Variants in GRHL2 observed in about 807,000 individuals in gnomAD.
GRHL2 encodes the protein grainyhead-like protein 2 homolog.
GRHL2 carries 21 observed loss-of-function variants against 83.8 expected under a neutral mutation model. The ratio of observed to expected loss-of-function variants is 0.25; its 90% CI spans 0.18 to 0.36. The LOEUF (loss-of-function observed/expected upper bound fraction) is 0.36, where lower values mean the gene tolerates loss of function less well. Ranked by LOEUF, GRHL2 falls within the 10% of genes least tolerant of loss-of-function variation. The probability of loss-of-function intolerance (pLI) is 1.00; values close to 1 mark genes in which losing one functional copy is unlikely to be tolerated. For synonymous variants in GRHL2, 280 were observed against 278.9 expected, an observed-to-expected ratio of 1.00 and a Z score of -0.04; for missense variants, 623 against 781.8, an observed-to-expected ratio of 0.80 and a Z score of 2.42.
chr8:101,597,175 G>A (rs1274583974), intron 7 of GRHL2, among the ~76,000 whole-genome samples: 1 of 152,142 alleles, frequency 6.6e-6, no homozygotes, highest in Non-Finnish European at 1.5e-5. Context: ...GTTCTGGAGA[G>A]CACATTTAGT....
chr8:101,551,070 G>A (rs989601168), intron 2 of GRHL2, among the ~76,000 whole-genome samples: 1 of 152,114 alleles, frequency 6.6e-6, no homozygotes, highest in Admixed American at 6.5e-5. Context: ...AATGAACACA[G>A]GTGTGTTGAG....
intron 1 of GRHL2, among the ~76,000 whole-genome samples, chr8:101,534,307 T>C (rs1041913121): frequency 6.6e-6 from 1 of 151,526 alleles, no homozygotes. Flanking sequence ...GACAGGAGAG[T>C]CTACTAGGCT....
At chr8:101,658,623 G>T (rs541661447) in intron 14 of GRHL2, among the ~76,000 whole-genome samples, 1 of 152,102 alleles carries the variant, frequency 6.6e-6, no homozygotes, top group South Asian at 2.1e-4. Context: ...TGTGAGCCGA[G>T]GTGTTCCCTT....
chr8:101,638,944 C>A (rs571278661), intron 12 of GRHL2, among the ~76,000 whole-genome samples: 2 of 152,336 alleles, frequency 1.3e-5, no homozygotes, highest in South Asian at 4.1e-4. Context: ...GATCTCTGGG[C>A]TTTGGTTTCC....
chr8:101,660,670 T>C (rs1013969729), intron 14 of GRHL2, among the ~76,000 whole-genome samples: 31 of 152,228 alleles, frequency 2.0e-4, no homozygotes, highest in Admixed American at 1.4e-3. Flanking sequence ...GTATTTCAAC[T>C]TTTAAATTTG....
At chr8:101,565,380 G>A (rs1390147722) in intron 4 of GRHL2, among the ~76,000 whole-genome samples, 1 of 152,140 alleles carries the variant, frequency 6.6e-6, no homozygotes, top group Non-Finnish European at 1.5e-5. Context: ...TTTTCTATAA[G>A]TCAGTTAACA....
At chr8:101,505,097 G>C (rs1810310898) in intron 1 of GRHL2, among the ~76,000 whole-genome samples, 1 of 152,118 alleles carries the variant, frequency 6.6e-6, no homozygotes, top group Non-Finnish European at 1.5e-5. Context: ...CAGAGGTGGT[G>C]AAACAGGAAC....
chr8:101,527,433 T>C (rs1490002967), intron 1 of GRHL2, among the ~76,000 whole-genome samples: 1 of 152,216 alleles, frequency 6.6e-6, no homozygotes, highest in Non-Finnish European at 1.5e-5. Flanking sequence ...ACTCCTGGCC[T>C]CAAGCAATCC....
At chr8:101,577,275 G>A in intron 6 of GRHL2, 133 bp from the exon 7 acceptor site, 1 of 703,068 alleles carries the variant, frequency 1.4e-6, no homozygotes, top group South Asian at 1.5e-5. Flanking sequence ...ATACAGCCAA[G>A]CTTGTCTGGG....
At chr8:101,642,741 C>T (rs1290239343) in intron 12 of GRHL2, among the ~76,000 whole-genome samples, 2 of 152,222 alleles carry the variant, frequency 1.3e-5, no homozygotes, top group Non-Finnish European at 2.9e-5. Flanking sequence ...GCATTTCTCA[C>T]ACCCTTCCTC....
chr8:101,635,551 G>A (rs1162028106), intron 11 of GRHL2, among the ~76,000 whole-genome samples: 7 of 152,294 alleles, frequency 4.6e-5, no homozygotes, highest in Admixed American at 2.6e-4. Flanking sequence ...CCAACATGGG[G>A]AACTTTATCA....
chr8:101,507,097 GTTC>G (rs1200018601), intron 1 of GRHL2, among the ~76,000 whole-genome samples: 1 of 152,038 alleles, frequency 6.6e-6, no homozygotes, highest in African/African-American at 2.4e-5. Context: ...ACAGAGGCCT[GTTC>G]TTATTTTTCA....
chr8:101,543,545 C>G (rs1454716700), intron 2 of GRHL2, 109 bp downstream of exon 2: 1 of 1,000,964 alleles, frequency 1.0e-6, no homozygotes, highest in Non-Finnish European at 1.6e-6. Context: ...AATAGCATTT[C>G]CAAAGTCAAT....
chr8:101,620,767 T>C (rs1434769981), intron 9 of GRHL2, among the ~76,000 whole-genome samples: 2 of 152,190 alleles, frequency 1.3e-5, no homozygotes, highest in African/African-American at 4.8e-5. Flanking sequence ...TGAAGTGGGC[T>C]GTCTCAGGAG....
chr8:101,507,675 G>A (rs1240472539), intron 1 of GRHL2, among the ~76,000 whole-genome samples: 4 of 151,444 alleles, frequency 2.6e-5, no homozygotes. Context: ...GTTTTACACT[G>A]GGTAAAAATA....
At chr8:101,678,322 G>T in the GRHL2 span, among the ~76,000 whole-genome samples, 2 of 152,146 alleles carry the variant, frequency 1.3e-5, no homozygotes, top group Non-Finnish European at 2.9e-5. Flanking sequence ...AAGGGGTGAC[G>T]GAAGAACCTG....
chr8:101,542,038 T>C (rs1358167518), intron 1 of GRHL2, among the ~76,000 whole-genome samples: 2 of 152,212 alleles, frequency 1.3e-5, no homozygotes, highest in Admixed American at 1.3e-4. Flanking sequence ...TTCCATATCA[T>C]TTTACACAGC....
chr8:101,590,914 G>A (rs932468722), intron 7 of GRHL2, among the ~76,000 whole-genome samples: 1 of 152,056 alleles, frequency 6.6e-6, no homozygotes, highest in East Asian at 1.9e-4. Context: ...TATTAATTAT[G>A]CCACTCCTTT....
chr8:101,559,194 G>A (rs976875219), intron 4 of GRHL2, among the ~76,000 whole-genome samples: 5 of 151,938 alleles, frequency 3.3e-5, no homozygotes, highest in African/African-American at 9.7e-5. Flanking sequence ...TAAAGGTAGG[G>A]CTTGTCCATT....
Sources: allele counts gnomAD v4.1 joint callset (sites outside exome capture counted in the v4.1 genomes callset), GRCh38; gene constraint gnomAD v4.1.1; transcripts MANE v1.5; gene names NCBI Gene and HGNC (gene_info 2026-07-23, HGNC 2026-07-21).